Variants in CNOT8 observed in about 807,000 individuals in gnomAD.
CNOT8 encodes the protein CAF1-like protein.
Under a neutral mutation model 34.6 loss-of-function variants are expected in CNOT8, and 18 were observed. The ratio of observed to expected loss-of-function variants is 0.52; its 90% CI spans 0.36 to 0.77. The LOEUF is 0.77. Among genes scored for constraint, CNOT8 ranks in the 30% least tolerant of loss-of-function variants. The pLI, the probability that CNOT8 is intolerant of heterozygous loss-of-function variation, is 0.00. For synonymous variants in CNOT8, 101 were observed against 118.8 expected (o/e 0.85, Z 0.98); for missense variants, 189 against 347.9 (o/e 0.54, Z 3.63).
chr5:154,869,417 C>T (rs1201670892), intron 3 of CNOT8, among the ~76,000 whole-genome samples: 1 of 146,790 alleles, frequency 6.8e-6, no homozygotes, highest in African/African-American at 2.6e-5. Flanking sequence ...CCCCACCCGG[C>T]CTTGTTGGTT....
At chr5:154,865,092 A>C (rs993663407) in intron 2 of CNOT8, 100 bp from the exon 3 acceptor site, 2 of 1,051,764 alleles carry the variant, frequency 1.9e-6, no homozygotes, top group Non-Finnish European at 2.8e-6. Flanking sequence ...GGCTTGCCAC[A>C]TAACTTTTAT....
In CNOT8 at chr5:154,863,164, G is replaced by T. The variant is rs895848385; in HGVS notation, c.-72-43G>T. The T allele has an allele frequency of 2.0e-5, 14 of 715,764 alleles. No homozygotes were observed. In the African/African-American group the frequency reaches 2.5e-4, roughly 13 times the overall value. 44.3% of individuals were successfully genotyped at this position (715,764 alleles called of 1,614,324 possible). Reference sequence around the variant, plus strand: ...TGTCTTTGTTGTGTTGACATCTTATGTGTGTGTAAACTTACATGATTTTAA... The same window carrying T: ...TGTCTTTGTTGTGTTGACATCTTATTTGTGTGTAAACTTACATGATTTTAA... On this transcript the variant is annotated intron_variant, in intron 1 of 6. Coordinates refer to ENST00000285896, the MANE Select transcript of CNOT8 (RefSeq NM_001301073.2).
In CNOT8 at chr5:154,874,007, C is replaced by G. The variant is rs183621248; in HGVS notation, c.730-1283C>G. ...GATCTTGCGTTAAGTGCTTACTGTT[C>G]GTTATCTCATTCCTCATAATAACCC... On this transcript the variant is annotated intron_variant, in intron 6 of 6. Transcript: ENST00000285896. 2.5e-3 allele frequency among the ~76,000 whole-genome samples: 377 copies of G among 152,162 alleles called. 1 individual carries two copies. The highest frequency in any genetic ancestry group is 4.5e-3 in the Admixed American group (68 of 15,274).
Position 154,871,454 on chromosome 5 carries a change from G to A in CNOT8, c.474-276G>A, listed in dbSNP as rs182712576. Reference sequence around the variant, plus strand: ...GGTGCCTGTAATCCCAGCTACTTGGGAGGCTGAGGCAGGGATAATTGCTTG... The same window carrying A: ...GGTGCCTGTAATCCCAGCTACTTGGAAGGCTGAGGCAGGGATAATTGCTTG... On this transcript the variant is annotated intron_variant, in intron 4 of 6. Coordinates refer to ENST00000285896, the MANE Select transcript of CNOT8 (RefSeq NM_001301073.2). Among the ~76,000 whole-genome samples, 989 of 151,716 alleles carry A rather than the reference G, an allele frequency of 6.5e-3. 7 individuals are homozygous for A. The highest frequency in any genetic ancestry group is 0.023 in the African/African-American group (956 of 41,298).
Position 154,873,215 on chromosome 5 carries a change from G to GT in CNOT8, c.729+571dup, listed in dbSNP as rs1189161418. 1.2e-4 allele frequency among the ~76,000 whole-genome samples: 18 copies of GT among 152,294 alleles called. No individual in the cohort carries two copies. In the South Asian group the frequency reaches 1.2e-3, roughly 11 times the overall value. ...GCCACCACGCCCAGCCACATAGACT[G>GT]TTTTTTTAGCAAGTTGATGTCCACT... On this transcript the variant is annotated intron_variant, in intron 6 of 6. Transcript: ENST00000285896.
chr5:154,871,588 G>C lies in CNOT8; in HGVS notation c.474-142G>C, dbSNP rs187336721. The C allele has an allele frequency of 9.2e-6, 4 of 433,790 alleles. No individual in the cohort carries two copies. The East Asian group carries it at 1.8e-4, about 19-fold the overall frequency. The allele number at this position is 433,790 out of a possible 1,614,324, so 26.9% of individuals were successfully genotyped here. On this transcript the variant is annotated intron_variant, in intron 4 of 6. Transcript: ENST00000285896. Reference sequence around the variant, plus strand: ...AAAAAAAAAAAAAAAAAAAGATTCAGATTATAGTACGATAAACTACTCAGA... The same window carrying C: ...AAAAAAAAAAAAAAAAAAAGATTCACATTATAGTACGATAAACTACTCAGA...
At position 154,876,221 on chromosome 5, in the gene CNOT8, C is replaced by T. The variant is rs1363863415; in HGVS notation, c.*782C>T. The T allele has an allele frequency of 6.6e-6, 1 of 152,160 alleles. No homozygotes were observed. The highest frequency in any genetic ancestry group is 2.4e-5 in the African/African-American group (1 of 41,426). 9.4% of individuals were successfully genotyped at this position (152,160 alleles called of 1,614,324 possible). ...TTGAAATTTTTGTACAATAAAATAT[C>T]CTGGATTTGATCCTGAAGGAAACTA... On this transcript the variant is annotated 3_prime_UTR_variant, in exon 7 of 7. Coordinates refer to ENST00000285896, the MANE Select transcript of CNOT8 (RefSeq NM_001301073.2).
At chr5:154,874,965 G>T (rs1043179885) in intron 6 of CNOT8, among the ~76,000 whole-genome samples, 2 of 151,710 alleles carry the variant, frequency 1.3e-5, no homozygotes, top group African/African-American at 4.8e-5. Flanking sequence ...TGCCCAGGCT[G>T]GAGTGCAGTG....
intron 3 of CNOT8, among the ~76,000 whole-genome samples, chr5:154,866,503 T>C (rs1761891361): frequency 6.6e-6 from 1 of 152,242 alleles, no homozygotes; most frequent in East Asian, 1.9e-4. Context: ...AACTGCATTT[T>C]TTAGTTTATT....
At chr5:154,871,979 C>G in intron 5 of CNOT8, 105 bp downstream of exon 5, 1 of 914,928 alleles carries the variant, frequency 1.1e-6, no homozygotes, top group East Asian at 2.6e-5. Context: ...GTACTAGATG[C>G]TAGTGTGGTG....
At position 154,870,794 on chromosome 5, in the gene CNOT8, G is replaced by T; in HGVS notation, c.445G>T (p.Asp149Tyr). The T allele has an allele frequency of 6.2e-7, 1 of 1,613,842 alleles. No individual in the cohort carries two copies. Among genetic ancestry groups the T allele is most frequent in the South Asian group, 1.1e-5 (1 of 90,986 alleles). ...LLMTSGVVLC[D>Y]NVKWLSFHSG... ...TATGACATCAGGAGTGGTTCTCTGT[G>T]ACAATGTCAAATGGCTTTCATTTCA... The change falls in exon 4 of 7, where the codon GAC (aspartate) becomes TAC (tyrosine). Residue 149 changes from aspartate (D) to tyrosine (Y), a missense_variant. Physicochemically the swap from Asp to Tyr is radical, Grantham distance 160. This residue lies in a region of CNOT8 where 160 missense variants were observed against 321.9 expected (regional missense o/e 0.50). Transcript: ENST00000285896.
At chr5:154,869,664 C>T (rs1469117351) in intron 3 of CNOT8, among the ~76,000 whole-genome samples, 15 of 139,288 alleles carry the variant, frequency 1.1e-4, no homozygotes, top group African/African-American at 4.0e-4. Context: ...CTCGCTCTGT[C>T]ATCAGGCTGG....
At chr5:154,870,157 C>A (rs1329888932) in intron 3 of CNOT8, among the ~76,000 whole-genome samples, 1 of 152,180 alleles carries the variant, frequency 6.6e-6, no homozygotes, top group Non-Finnish European at 1.5e-5. Flanking sequence ...AATCCTCTCA[C>A]CTCAGCCTCC....
At chr5:154,874,464 T>C (rs181148108) in intron 6 of CNOT8, among the ~76,000 whole-genome samples, 1 of 152,036 alleles carries the variant, frequency 6.6e-6, no homozygotes, top group East Asian at 2.0e-4. Context: ...TAATCCCAGC[T>C]ACTCGGGAGG....
chr5:154,865,340 C>T lies in CNOT8; in HGVS notation c.266C>T (p.Pro89Leu). The change falls in exon 3 of 7, where the codon CCT (proline) becomes CTT (leucine). Residue 89 changes from proline (P) to leucine (L), a missense_variant. By Grantham distance (98) the Pro-to-Leu change is moderately conservative (BLOSUM62 -3). Coordinates refer to ENST00000285896, the MANE Select transcript of CNOT8 (RefSeq NM_001301073.2). Reference protein sequence around the residue: ...LTFTNEKGEYPSGINTWQFNF... With the variant: ...LTFTNEKGEYLSGINTWQFNF... The stretch of plus-strand genomic sequence containing the variant: ...TTCACAAATGAGAAGGGAGAGTATC[C>T]TTCTGGAATCAATACTTGGCAGTTC... 1 of 1,605,406 alleles carries T rather than the reference C, an allele frequency of 6.2e-7. No homozygotes were observed. Among genetic ancestry groups the T allele is most frequent in the Non-Finnish European group, 8.5e-7 (1 of 1,178,004 alleles).
At chr5:154,865,096 C>T in intron 2 of CNOT8, 96 bp from the exon 3 acceptor site, 1 of 1,100,822 alleles carries the variant, frequency 9.1e-7, no homozygotes, top group East Asian at 2.5e-5. Flanking sequence ...TGCCACATAA[C>T]TTTTATAAAT....
rs752170679 is a variant in CNOT8, at chr5:154,865,187, T to C, written c.118-5T>C. 1 of 1,556,612 alleles carries C rather than the reference T, an allele frequency of 6.4e-7. No individual in the cohort carries two copies. The highest frequency in any genetic ancestry group is 8.7e-7 in the Non-Finnish European group (1 of 1,154,410). The stretch of plus-strand genomic sequence containing the variant: ...CTTGTGATGAGAGACTTTTTCCTTT[T>C]CCAGGACACAGAATTTCCAGGTGTT... On this transcript the variant is annotated splice_polypyrimidine_tract_variant and splice_region_variant and intron_variant, in intron 2 of 6. Transcript: ENST00000285896.
intron 3 of CNOT8, among the ~76,000 whole-genome samples, chr5:154,870,246 T>G (rs1024152764): frequency 4.2e-5 from 6 of 144,310 alleles, no homozygotes; most frequent in Admixed American, 2.1e-4. Context: ...GTTGTTTTTT[T>G]TTTGTTTGTT....
chr5:154,876,730 G>A lies in CNOT8; in HGVS notation c.*1291G>A, dbSNP rs1762946878. 6.5e-6 allele frequency: 1 copy of A among 152,732 alleles called. No homozygotes were observed. Among genetic ancestry groups the A allele is most frequent in the East Asian group, 1.9e-4 (1 of 5,186 alleles). The allele number at this position is 152,732 out of a possible 1,614,324, so 9.5% of individuals were successfully genotyped here. The stretch of plus-strand genomic sequence containing the variant: ...AGTATTATAAGCTGGTATTTAAGAT[G>A]CTTGTAAATACTATTTATGTTTTTA... On this transcript the variant is annotated 3_prime_UTR_variant, in exon 7 of 7. Transcript: ENST00000285896.
Sources: gnomAD v4.1 joint callset for allele counts (sites outside exome capture counted in the v4.1 genomes callset) on GRCh38, gnomAD v4.1.1 for gene constraint, gnomAD v4.1.1 regional missense constraint, MANE v1.5 for transcripts, NCBI Gene and HGNC (gene_info 2026-07-23, HGNC 2026-07-21) for gene names.